IL1RAPL1: variants seen among roughly 807,000 people sequenced by gnomAD.
IL1RAPL1 encodes interleukin 1 receptor accessory protein like 1, also known as interleukin-1 receptor accessory protein-like 1.
A neutral mutation model predicts 48.4 loss-of-function variants in IL1RAPL1; 3 were observed. That is an observed-to-expected ratio of 0.06 (90% CI 0.03 to 0.16). The LOEUF is 0.16. Among genes scored for constraint, IL1RAPL1 ranks in the 10% least tolerant of loss-of-function variants. The pLI, the probability that IL1RAPL1 is intolerant of heterozygous loss-of-function variation, is 1.00. For missense variants in IL1RAPL1, 349 were observed against 530.6 expected, an observed-to-expected ratio of 0.66 and a Z score of 3.36; for synonymous variants, 185 against 187.7, an observed-to-expected ratio of 0.99 and a Z score of 0.12.
intron 2 of IL1RAPL1, among the ~76,000 whole-genome samples, chrX:29,058,614 A>G (rs1341296207): frequency 8.9e-6 from 1 of 112,147 alleles, no homozygotes; most frequent in Non-Finnish European, 1.9e-5. Context: ...GGGGCATTCC[A>G]GGTACTACAG....
intron 6 of IL1RAPL1, among the ~76,000 whole-genome samples, chrX:29,853,477 G>A (rs1482318590): frequency 9.0e-6 from 1 of 110,602 alleles, no homozygotes; most frequent in Non-Finnish European, 1.9e-5. Flanking sequence ...CAAAATCTAA[G>A]ACACAACAAA....
intron 6 of IL1RAPL1, among the ~76,000 whole-genome samples, chrX:29,804,786 G>A (rs1325201059): frequency 1.8e-5 from 2 of 112,084 alleles, no homozygotes; most frequent in East Asian, 5.6e-4. Flanking sequence ...GGGCCAACTT[G>A]TGTGTTTTGT....
chrX:29,137,382 G>GTA (rs1569244274), intron 2 of IL1RAPL1, among the ~76,000 whole-genome samples: 2 of 111,265 alleles, frequency 1.8e-5, no homozygotes, highest in South Asian at 3.7e-4. Context: ...TCCACACAAG[G>GTA]TATATATATG....
At chrX:28,799,232 T>G (rs758519880) in intron 2 of IL1RAPL1, among the ~76,000 whole-genome samples, 7 of 112,178 alleles carry the variant, frequency 6.2e-5, no homozygotes, top group Non-Finnish European at 9.4e-5. Flanking sequence ...AAACTTGAAA[T>G]GACTACTTAT....
At chrX:29,483,552 C>T (rs773468020) in intron 5 of IL1RAPL1, among the ~76,000 whole-genome samples, 2 of 111,615 alleles carry the variant, frequency 1.8e-5, no homozygotes, top group African/African-American at 3.3e-5. Flanking sequence ...AGGGAAGTAA[C>T]CTTCCTTAGT....
intron 3 of IL1RAPL1, among the ~76,000 whole-genome samples, chrX:29,313,945 G>A (rs1932757883): frequency 8.9e-6 from 1 of 112,102 alleles, no homozygotes; most frequent in Admixed American, 9.5e-5. Flanking sequence ...TAAAAACACA[G>A]GTATTGTAAG....
At chrX:28,798,790 T>C (rs1045872880) in intron 2 of IL1RAPL1, among the ~76,000 whole-genome samples, 1 of 110,989 alleles carries the variant, frequency 9.0e-6, no homozygotes, top group Non-Finnish European at 1.9e-5. Flanking sequence ...TGGTGCATGA[T>C]AAAAGGTGCA....
intron 5 of IL1RAPL1, among the ~76,000 whole-genome samples, chrX:29,661,133 G>A (rs936104696): frequency 3.6e-5 from 4 of 111,871 alleles, no homozygotes; most frequent in African/African-American, 6.5e-5. Context: ...TTAATTATTT[G>A]TGTATAGAAA....
At chrX:28,759,779 A>G (rs1037430254) in intron 1 of IL1RAPL1, among the ~76,000 whole-genome samples, 2 of 111,866 alleles carry the variant, frequency 1.8e-5, no homozygotes, top group African/African-American at 6.5e-5. Context: ...GTTGGTGGAG[A>G]TGCTTGAGTA....
chrX:29,490,832 GTA>G (rs1382831247), intron 5 of IL1RAPL1, among the ~76,000 whole-genome samples: 10 of 76,624 alleles, frequency 1.3e-4, no homozygotes, highest in Middle Eastern at 5.8e-3. Context: ...CTCATCTGAG[GTA>G]TGTGTGTGTG....
chrX:29,222,024 A>AAC (rs1303388289), intron 2 of IL1RAPL1, among the ~76,000 whole-genome samples: 1 of 108,756 alleles, frequency 9.2e-6, no homozygotes, highest in East Asian at 2.9e-4. Context: ...TCAAAAAAAA[A>AAC]AAAAAAAAAA....
chrX:29,147,987 T>A (rs1414851518), intron 2 of IL1RAPL1, among the ~76,000 whole-genome samples: 2 of 111,832 alleles, frequency 1.8e-5, no homozygotes, highest in Admixed American at 1.9e-4. Flanking sequence ...GAGGTTTTTA[T>A]AATGCTATTC....
chrX:29,543,255 T>C (rs1921503154), intron 5 of IL1RAPL1, among the ~76,000 whole-genome samples: 1 of 110,391 alleles, frequency 9.1e-6, no homozygotes, highest in Non-Finnish European at 1.9e-5. Flanking sequence ...TCCATTGCAT[T>C]CTTATTGCTG....
At chrX:29,134,636 A>T (rs1012017221) in intron 2 of IL1RAPL1, among the ~76,000 whole-genome samples, 8 of 110,970 alleles carry the variant, frequency 7.2e-5, no homozygotes, top group African/African-American at 2.3e-4. Flanking sequence ...CTGTTCTTGT[A>T]TGTGCCTCTC....
At chrX:29,937,531 TAC>T (rs1372379258) in intron 8 of IL1RAPL1, among the ~76,000 whole-genome samples, 1 of 112,243 alleles carries the variant, frequency 8.9e-6, no homozygotes, top group African/African-American at 3.2e-5. Context: ...AGCAAAAGAA[TAC>T]AGAGGCTAAA....
chrX:29,677,798 A>G (rs1003296631), intron 6 of IL1RAPL1, among the ~76,000 whole-genome samples: 3 of 112,376 alleles, frequency 2.7e-5, no homozygotes, highest in Non-Finnish European at 5.6e-5. Flanking sequence ...TTTTAATCTA[A>G]TTCTTTGAAA....
intron 5 of IL1RAPL1, among the ~76,000 whole-genome samples, chrX:29,614,963 C>CA (rs377465356): frequency 0.045 from 3,037 of 67,171 alleles, 84 homozygotes; most frequent in African/African-American, 0.11. Context: ...GACTCCGTCT[C>CA]AAAAAAAAAA....
intron 1 of IL1RAPL1, among the ~76,000 whole-genome samples, chrX:28,635,174 A>G (rs1318909535): frequency 8.9e-6 from 1 of 112,138 alleles, no homozygotes; most frequent in Non-Finnish European, 1.9e-5. Context: ...GGAAACTGGC[A>G]CAAAATGTGA....
chrX:29,151,828 A>G lies in IL1RAPL1; in HGVS notation c.83-131110A>G, dbSNP rs781106333. 3.6e-5 allele frequency among the ~76,000 whole-genome samples: 4 copies of G among 111,217 alleles called. No homozygotes were observed. The Admixed American group carries it at 3.9e-4, about 11-fold the overall frequency. Reference sequence around the variant, plus strand: ...TTCTGCAGCCAGGGAAATCCCTCAGATGAAAGGACTTAGATATGAAAGTTG... The same window carrying G: ...TTCTGCAGCCAGGGAAATCCCTCAGGTGAAAGGACTTAGATATGAAAGTTG... On this transcript the variant is annotated intron_variant, in intron 2 of 10. Transcript: ENST00000378993.
Sources: gnomAD v4.1 joint callset for allele counts (sites outside exome capture counted in the v4.1 genomes callset) on GRCh38, gnomAD v4.1.1 for gene constraint, MANE v1.5 for transcripts, NCBI Gene and HGNC (gene_info 2026-07-23, HGNC 2026-07-21) for gene names.